The following TPRG1 variants were observed in gnomAD, a reference collection of about 807,000 sequenced individuals.
The protein encoded by TPRG1 is tumor protein p63-regulated gene 1 protein.
A neutral mutation model predicts 29.3 loss-of-function variants in TPRG1; 29 were observed. The ratio of observed to expected loss-of-function variants is 0.99; its 90% CI spans 0.74 to 1.35. TPRG1 has a LOEUF of 1.35. TPRG1 is among the 40% of genes most tolerant of loss of function. TPRG1 has a pLI of 0.00. For synonymous variants in TPRG1, 130 were observed against 116.8 expected (o/e 1.11, Z -0.73); for missense variants, 327 against 335.0 (o/e 0.98, Z 0.19).
chr3:189,081,147 G>A (rs1019682245), intron 4 of TPRG1, among the ~76,000 whole-genome samples: 8 of 152,258 alleles, frequency 5.3e-5, no homozygotes, highest in African/African-American at 1.7e-4. Flanking sequence ...AGCAAAATAT[G>A]AATGGACAAA....
chr3:189,260,044 G>A (rs933317875), intron 4 of TPRG1, among the ~76,000 whole-genome samples: 1 of 152,138 alleles, frequency 6.6e-6, no homozygotes, highest in Non-Finnish European at 1.5e-5. Context: ...AAGGCTTAAA[G>A]ACCTTGTTCT....
intron 4 of TPRG1, among the ~76,000 whole-genome samples, chr3:189,265,876 T>C (rs530852937): frequency 6.6e-6 from 1 of 152,326 alleles, no homozygotes; most frequent in African/African-American, 2.4e-5. Context: ...CTGTTCACAT[T>C]TGGCCTTCTT....
intron 4 of TPRG1, among the ~76,000 whole-genome samples, chr3:189,239,992 G>A (rs984556036): frequency 3.3e-5 from 5 of 152,098 alleles, no homozygotes; most frequent in South Asian, 2.1e-4. Context: ...CCATTGAACC[G>A]TGAATTCCTT....
At chr3:189,125,127 T>C (rs1722300376) in intron 1 of TPRG1, among the ~76,000 whole-genome samples, 1 of 152,226 alleles carries the variant, frequency 6.6e-6, no homozygotes, top group Non-Finnish European at 1.5e-5. Context: ...AAAGTCTGCT[T>C]ATACTCAGAC....
At chr3:189,032,062 A>G (rs1489975090) in intron 4 of TPRG1, among the ~76,000 whole-genome samples, 7 of 152,186 alleles carry the variant, frequency 4.6e-5, no homozygotes, top group African/African-American at 7.2e-5. Flanking sequence ...TTTGTAACCC[A>G]TAACTATGTT....
At chr3:189,261,255 T>C (rs1054012449) in intron 4 of TPRG1, among the ~76,000 whole-genome samples, 2 of 152,034 alleles carry the variant, frequency 1.3e-5, no homozygotes, top group Admixed American at 6.5e-5. Flanking sequence ...AATTGAGTGC[T>C]CCAAAAGAAT....
chr3:189,189,936 T>C, intron 1 of TPRG1, among the ~76,000 whole-genome samples: 1 of 152,164 alleles, frequency 6.6e-6, no homozygotes, highest in Non-Finnish European at 1.5e-5. Flanking sequence ...AAATAAGGAA[T>C]AATATGAAGT....
At position 189,215,378 on chromosome 3, in the gene TPRG1, GA is replaced by G; in HGVS notation, c.298del (p.Thr100GlnfsTer3). On this transcript the variant is annotated frameshift_variant, in exon 3 of 6. Transcript: ENST00000345063. LOFTEE classifies it high-confidence loss of function. The stretch of plus-strand genomic sequence containing the variant: ...AGACCATTCAAGGCTTCTGGCTCTT[GA>G]CAAAGTGAGTAGTCACAGCTAAGTG... Reference protein sequence around the residue: ...GETIQGFWLLTKIDHWNNEKE... With the variant: ...GETIQGFWLLXKIDHWNNEKE... 1 of 1,610,984 alleles carries G rather than the reference GA, an allele frequency of 6.2e-7. No homozygotes were observed. The highest frequency in any genetic ancestry group is 2.2e-5 in the East Asian group (1 of 44,702).
chr3:189,256,479 C>T (rs918224227), intron 4 of TPRG1, among the ~76,000 whole-genome samples: 1 of 152,064 alleles, frequency 6.6e-6, no homozygotes, highest in South Asian at 2.1e-4. Context: ...AATGTATATA[C>T]TGTTGATTTG....
At chr3:189,056,581 C>T (rs780838482) in intron 4 of TPRG1, among the ~76,000 whole-genome samples, 1 of 152,152 alleles carries the variant, frequency 6.6e-6, no homozygotes, top group Admixed American at 6.5e-5. Flanking sequence ...TCCTCTTAAT[C>T]ATAATTATTT....
intron 1 of TPRG1, among the ~76,000 whole-genome samples, chr3:189,196,373 T>A (rs149501092): frequency 1.3e-5 from 2 of 152,320 alleles, no homozygotes; most frequent in East Asian, 3.9e-4. Context: ...ATATCTGTTA[T>A]CATGCTACTA....
intron 3 of TPRG1, among the ~76,000 whole-genome samples, chr3:189,237,401 TG>T (rs1434203782): frequency 2.6e-5 from 4 of 152,314 alleles, no homozygotes; most frequent in African/African-American, 9.6e-5. Flanking sequence ...ATATTCTGAT[TG>T]GTCAGTGCCC....
intron 1 of TPRG1, among the ~76,000 whole-genome samples, chr3:189,124,734 A>T (rs1428003306): frequency 1.3e-5 from 2 of 152,202 alleles, no homozygotes; most frequent in African/African-American, 4.8e-5. Flanking sequence ...TGCTAAAAAT[A>T]GTAATCTTTA....
intron 4 of TPRG1, among the ~76,000 whole-genome samples, chr3:189,262,393 T>A (rs940249540): frequency 1.3e-5 from 2 of 151,906 alleles, no homozygotes; most frequent in Non-Finnish European, 2.9e-5. Flanking sequence ...TTACTGGGGG[T>A]GCCTGAGAGG....
intron 1 of TPRG1, among the ~76,000 whole-genome samples, chr3:189,114,200 CTGT>C (rs775820648): frequency 3.3e-5 from 5 of 152,132 alleles, no homozygotes; most frequent in South Asian, 2.1e-4. Context: ...AGAGCAATCT[CTGT>C]TGTTGTTAGA....
chr3:189,078,095 T>TTCTTTCTCTCTTTCTCTCTTTCTC (rs1560430757), intron 4 of TPRG1, among the ~76,000 whole-genome samples: 6 of 30,018 alleles, frequency 2.0e-4, no homozygotes, highest in African/African-American at 3.4e-4. Flanking sequence ...CTTTCTCTCT[T>TTCTTTCTCTCTTTCTCTCTTTCTC]TCTTTCTTTC....
intron 5 of TPRG1, among the ~76,000 whole-genome samples, chr3:189,160,646 G>A (rs905980994): frequency 1.3e-5 from 2 of 152,120 alleles, no homozygotes; most frequent in African/African-American, 4.8e-5. Flanking sequence ...AGGCTTGGTG[G>A]CGGCTACAGG....
intron 4 of TPRG1, among the ~76,000 whole-genome samples, chr3:189,264,885 A>G (rs1419819320): frequency 6.6e-6 from 1 of 152,178 alleles, no homozygotes; most frequent in African/African-American, 2.4e-5. Context: ...TATTTCTGCA[A>G]TTCATAACAT....
intron 4 of TPRG1, among the ~76,000 whole-genome samples, chr3:189,305,121 C>A (rs1721425514): frequency 6.6e-6 from 1 of 152,170 alleles, no homozygotes; most frequent in East Asian, 1.9e-4. Flanking sequence ...TGTCCTCATT[C>A]AGTTTTGCTA....
Sources: gnomAD v4.1 joint callset for allele counts (sites outside exome capture counted in the v4.1 genomes callset) on GRCh38, gnomAD v4.1.1 for gene constraint, MANE v1.5 for transcripts, NCBI Gene and HGNC (gene_info 2026-07-23, HGNC 2026-07-21) for gene names.